The following GAD2 variants were observed in gnomAD, a reference collection of about 807,000 sequenced individuals.
GAD2 encodes glutamate decarboxylase 2.
A neutral mutation model predicts 80.1 loss-of-function variants in GAD2; 22 were observed. The observed-to-expected ratio is 0.27, with a 90% CI of 0.20 to 0.39. The LOEUF (loss-of-function observed/expected upper bound fraction) is 0.39. Ranked by LOEUF, GAD2 falls within the 10% of genes least tolerant of loss-of-function variation. GAD2 has a pLI of 1.00. For missense variants in GAD2, 624 were observed against 738.4 expected (o/e 0.85, Z 1.80); for synonymous variants, 274 against 256.9 (o/e 1.07, Z -0.64).
chr10:26,264,337 G>C (rs1294026261), intron 8 of GAD2, among the ~76,000 whole-genome samples: 1 of 135,278 alleles, frequency 7.4e-6, no homozygotes, highest in African/African-American at 2.8e-5. Context: ...TTTTGAGACA[G>C]AGTCTCGCTC....
intron 8 of GAD2, among the ~76,000 whole-genome samples, chr10:26,267,040 C>T (rs1845081404): frequency 6.6e-6 from 1 of 152,156 alleles, no homozygotes; most frequent in South Asian, 2.1e-4. Flanking sequence ...AATTTGAATG[C>T]ACTCTCATCT....
chr10:26,216,729 G>A (rs904446171), upstream of GAD2: 4 of 1,241,788 alleles, frequency 3.2e-6, no homozygotes, highest in Middle Eastern at 2.4e-4. This position sits in a 1 kb window ranked among gnomAD's most constrained non-coding sequence, Gnocchi z 4.7. Context: ...ACACGGGCAC[G>A]CACGCGCGCG....
chr10:26,232,506 G>A (rs371811916), intron 7 of GAD2, among the ~76,000 whole-genome samples: 1 of 127,842 alleles, frequency 7.8e-6, no homozygotes, highest in East Asian at 2.2e-4. Flanking sequence ...TCAGAGTCTA[G>A]CCCTGTCGCC....
chr10:26,257,101 G>A (rs1315365513), intron 8 of GAD2, among the ~76,000 whole-genome samples: 2 of 152,098 alleles, frequency 1.3e-5, no homozygotes, highest in Non-Finnish European at 2.9e-5. Flanking sequence ...TGCTCGGCTG[G>A]GTGCGGTGGC....
At chr10:26,237,267 C>G (rs1376007319) in intron 7 of GAD2, among the ~76,000 whole-genome samples, 1 of 152,098 alleles carries the variant, frequency 6.6e-6, no homozygotes, top group Non-Finnish European at 1.5e-5. Context: ...AGTGGCTGAA[C>G]AGACTTATTG....
intron 11 of GAD2, among the ~76,000 whole-genome samples, chr10:26,275,961 G>A (rs182977280): frequency 3.4e-4 from 52 of 152,096 alleles, no homozygotes; most frequent in Non-Finnish European, 6.9e-4. Flanking sequence ...GACCCTTCTG[G>A]GTAACAGAGT....
intron 4 of GAD2, among the ~76,000 whole-genome samples, chr10:26,223,529 A>T (rs991340184): frequency 2.6e-5 from 4 of 152,204 alleles, no homozygotes; most frequent in Admixed American, 6.5e-5. Flanking sequence ...GTAGCATTTT[A>T]GCTTGCGAAA....
intron 8 of GAD2, among the ~76,000 whole-genome samples, chr10:26,254,112 C>T (rs1301187240): frequency 6.6e-6 from 1 of 152,244 alleles, no homozygotes; most frequent in African/African-American, 2.4e-5. Flanking sequence ...TCTCAGCTCA[C>T]TGCAGCCTCT....
intron 9 of GAD2, 56 bp from the exon 10 acceptor site, chr10:26,270,584 T>C: frequency 7.8e-7 from 1 of 1,290,094 alleles, no homozygotes; most frequent in Non-Finnish European, 1.1e-6. Context: ...GAATCAGCTT[T>C]TTAAAAGAAC....
chr10:26,264,160 A>G (rs574734005), intron 8 of GAD2, among the ~76,000 whole-genome samples: 8 of 152,332 alleles, frequency 5.3e-5, no homozygotes, highest in African/African-American at 1.9e-4. Flanking sequence ...TATTGTTTAT[A>G]CTTACTATCT....
At chr10:26,264,460 C>T (rs747046725) in intron 8 of GAD2, among the ~76,000 whole-genome samples, 1 of 152,144 alleles carries the variant, frequency 6.6e-6, no homozygotes, top group East Asian at 1.9e-4. Context: ...AGGTGCCCAC[C>T]ACCACGCCCG....
chr10:26,302,508 T>C lies in GAD2; in HGVS notation c.*1547T>C, dbSNP rs563113148. The C allele has an allele frequency of 9.2e-5, 14 of 152,364 alleles. No individual in the cohort carries two copies. Among genetic ancestry groups the C allele is most frequent in the African/African-American group, 1.7e-4 (7 of 41,598 alleles). 9.4% of individuals were successfully genotyped at this position (152,364 alleles called of 1,614,324 possible). On this transcript the variant is annotated 3_prime_UTR_variant, in exon 16 of 16. Transcript: ENST00000376261. ...CACATCGTCAGATTCCAAGTGCTGA[T>C]TGGAGAACAATAGATTGATATGCAG...
chr10:26,287,508 G>C (rs1845347334), intron 13 of GAD2, among the ~76,000 whole-genome samples: 1 of 152,200 alleles, frequency 6.6e-6, no homozygotes, highest in Admixed American at 6.5e-5. Flanking sequence ...AAATGAGGAA[G>C]ATTACATAAT....
chr10:26,231,192 A>G (rs1465211072), intron 7 of GAD2, among the ~76,000 whole-genome samples: 1 of 152,184 alleles, frequency 6.6e-6, no homozygotes, highest in Non-Finnish European at 1.5e-5. Context: ...AAGCCCTCTG[A>G]TAGCCAGGGA....
At chr10:26,223,677 C>T (rs182354462) in intron 4 of GAD2, among the ~76,000 whole-genome samples, 16 of 142,202 alleles carry the variant, frequency 1.1e-4, no homozygotes, top group East Asian at 5.9e-4. Context: ...TTAGAGGAAA[C>T]GCTTTTATGG....
chr10:26,245,230 G>T (rs184897282), intron 7 of GAD2, among the ~76,000 whole-genome samples: 2,546 of 150,772 alleles, frequency 0.017, 62 homozygotes, highest in African/African-American at 0.054. Context: ...TTGGGGGTGT[G>T]GGGGGAGGGA....
intron 7 of GAD2, among the ~76,000 whole-genome samples, chr10:26,232,239 T>C (rs1383845108): frequency 3.9e-5 from 6 of 152,158 alleles, no homozygotes; most frequent in Non-Finnish European, 8.8e-5. Flanking sequence ...TGATCTTTTA[T>C]TGGGCGTCTT....
At chr10:26,259,563 ATTG>A (rs1270388088) in intron 8 of GAD2, among the ~76,000 whole-genome samples, 4 of 151,268 alleles carry the variant, frequency 2.6e-5, no homozygotes, top group East Asian at 3.9e-4. Context: ...TGGTTTTGTT[ATTG>A]TTGTTGTTGA....
At chr10:26,275,677 C>T (rs1352448895) in intron 11 of GAD2, among the ~76,000 whole-genome samples, 1 of 152,184 alleles carries the variant, frequency 6.6e-6, no homozygotes, top group Non-Finnish European at 1.5e-5. Flanking sequence ...CAGTGGAAAC[C>T]ACATAATGTG....
Sources: gnomAD v4.1 joint callset for allele counts (sites outside exome capture counted in the v4.1 genomes callset) on GRCh38, gnomAD v4.1.1 for gene constraint, Gnocchi (gnomAD v3.1) non-coding constraint, MANE v1.5 for transcripts, NCBI Gene and HGNC (gene_info 2026-07-23, HGNC 2026-07-21) for gene names.